The following PCDH9 variants were observed in gnomAD, a reference collection of about 807,000 sequenced individuals.
PCDH9 encodes protocadherin-9.
A neutral mutation model predicts 70.6 loss-of-function variants in PCDH9; 24 were observed. That is an observed-to-expected ratio of 0.34 (90% CI 0.25 to 0.48). The LOEUF (loss-of-function observed/expected upper bound fraction) is 0.48. Among genes scored for constraint, PCDH9 ranks in the 20% least tolerant of loss-of-function variants. The pLI is 0.99. For synonymous variants in PCDH9, 562 were observed against 558.5 expected, an observed-to-expected ratio of 1.01 and a Z score of -0.09; for missense variants, 1,281 against 1,503.6, an observed-to-expected ratio of 0.85 and a Z score of 2.45.
At position 66,303,988 on chromosome 13, in the gene PCDH9, A is replaced by G. The variant is rs567271158; in HGVS notation, c.*667T>C. The stretch of plus-strand genomic sequence containing the variant: ...ACTAACACAGAAACACCTCACTGAA[A>G]GAAACAACAAAAATAACAACAAAGA... On this transcript the variant is annotated 3_prime_UTR_variant, in exon 5 of 5. Coordinates refer to ENST00000377865, the MANE Select transcript of PCDH9 (RefSeq NM_203487.3). 4 of 152,368 alleles carry G rather than the reference A, an allele frequency of 2.6e-5. No individual in the cohort carries two copies. Among genetic ancestry groups the G allele is most frequent in the Non-Finnish European group, 4.4e-5 (3 of 67,990 alleles). The allele number at this position is 152,368 out of a possible 1,614,324, so 9.4% of individuals were successfully genotyped here. A position where few individuals can be genotyped will look rare whatever the true frequency, so the allele number is the denominator to read the frequency against.
At chr13:66,486,471 AT>A (rs1958945148) in intron 4 of PCDH9, among the ~76,000 whole-genome samples, 1 of 150,700 alleles carries the variant, frequency 6.6e-6, no homozygotes, top group African/African-American at 2.5e-5. Context: ...CCACAAAAAA[AT>A]AAAAATAAAA....
chr13:67,089,419 G>A (rs970193520), intron 2 of PCDH9, among the ~76,000 whole-genome samples: 6 of 151,910 alleles, frequency 3.9e-5, no homozygotes, highest in African/African-American at 1.4e-4. Flanking sequence ...TCCAGCGAAT[G>A]GATCCAAAGG....
intron 3 of PCDH9, among the ~76,000 whole-genome samples, chr13:66,778,613 G>T (rs1446882254): frequency 1.3e-5 from 2 of 152,168 alleles, no homozygotes; most frequent in African/African-American, 4.8e-5. Context: ...TTACACTGAG[G>T]TTATATAACT....
At chr13:66,731,858 T>G (rs1247593088) in intron 3 of PCDH9, among the ~76,000 whole-genome samples, 1 of 152,072 alleles carries the variant, frequency 6.6e-6, no homozygotes, top group Non-Finnish European at 1.5e-5. Flanking sequence ...CACTATTAAA[T>G]AAAATTGATA....
At chr13:66,382,398 C>G (rs1165195431) in intron 4 of PCDH9, among the ~76,000 whole-genome samples, 1 of 150,932 alleles carries the variant, frequency 6.6e-6, no homozygotes, top group Non-Finnish European at 1.5e-5. Flanking sequence ...GGTGGTTACT[C>G]AGAAAATATA....
chr13:66,486,608 C>T (rs1958947438), intron 4 of PCDH9, among the ~76,000 whole-genome samples: 1 of 147,372 alleles, frequency 6.8e-6, no homozygotes. Flanking sequence ...TGCTCTCCAG[C>T]CTGGAGGACA....
At position 66,719,124 on chromosome 13, in the gene PCDH9, A is replaced by T. The variant is rs117714002; in HGVS notation, c.3139-87713T>A. Among the ~76,000 whole-genome samples, 797 of 152,314 alleles carry T rather than the reference A, an allele frequency of 5.2e-3. 4 individuals are homozygous for T. Among genetic ancestry groups the T allele is most frequent in the Non-Finnish European group, 7.9e-3 (540 of 68,024 alleles). ...ATCAATCCCGAAGATGTAGTCGAAG[A>T]TGTGGTTTAATAGATTGCAATTTGG... On this transcript the variant is annotated intron_variant, in intron 3 of 4. Transcript: ENST00000377865.
At chr13:66,409,556 A>C (rs529958609) in intron 4 of PCDH9, among the ~76,000 whole-genome samples, 2 of 125,262 alleles carry the variant, frequency 1.6e-5, no homozygotes, top group Non-Finnish European at 3.7e-5. Context: ...ACTTAATAAC[A>C]TCTCTTTATC....
intron 4 of PCDH9, among the ~76,000 whole-genome samples, chr13:66,597,796 C>A (rs1416740120): frequency 6.6e-6 from 1 of 151,746 alleles, no homozygotes; most frequent in Non-Finnish European, 1.5e-5. Context: ...AGAAGCCAAC[C>A]TATGGAATGG....
At chr13:67,074,079 TTA>T (rs1408029501) in intron 2 of PCDH9, among the ~76,000 whole-genome samples, 1 of 151,394 alleles carries the variant, frequency 6.6e-6, no homozygotes, top group African/African-American at 2.4e-5. Context: ...TATCTGTTTA[TTA>T]TCTATCTGTC....
intron 3 of PCDH9, among the ~76,000 whole-genome samples, chr13:66,773,779 T>A (rs1315737503): frequency 6.6e-6 from 1 of 151,656 alleles, no homozygotes; most frequent in Non-Finnish European, 1.5e-5. Context: ...TTTTGTAATT[T>A]TTTTTCTTTT....
At chr13:66,488,387 T>A (rs1250401976) in intron 4 of PCDH9, among the ~76,000 whole-genome samples, 1 of 152,200 alleles carries the variant, frequency 6.6e-6, no homozygotes, top group Non-Finnish European at 1.5e-5. Context: ...TGGTTCCAGT[T>A]GAGGGCCAAA....
chr13:67,190,897 C>A (rs1228076188), intron 2 of PCDH9, among the ~76,000 whole-genome samples: 1 of 152,000 alleles, frequency 6.6e-6, no homozygotes, highest in African/African-American at 2.4e-5. Context: ...TTTCATTTGA[C>A]CTTCTTATTG....
chr13:66,744,478 G>C (rs775139205), intron 3 of PCDH9, among the ~76,000 whole-genome samples: 4 of 152,062 alleles, frequency 2.6e-5, no homozygotes, highest in Non-Finnish European at 4.4e-5. Context: ...CCAATCTCTT[G>C]TCCTAAATAT....
intron 2 of PCDH9, among the ~76,000 whole-genome samples, chr13:67,036,273 CT>C (rs2085007626): frequency 6.6e-6 from 1 of 152,166 alleles, no homozygotes; most frequent in Non-Finnish European, 1.5e-5. Context: ...TTTGTCCCCA[CT>C]GTTTCATATT....
intron 4 of PCDH9, among the ~76,000 whole-genome samples, chr13:66,427,061 C>T (rs1957683629): frequency 6.6e-6 from 1 of 151,436 alleles, no homozygotes; most frequent in Non-Finnish European, 1.5e-5. Context: ...CAACCTCAGA[C>T]AATTTTATAG....
chr13:66,647,649 A>T (rs2138981425), intron 3 of PCDH9, among the ~76,000 whole-genome samples: 1 of 151,986 alleles, frequency 6.6e-6, no homozygotes, highest in Admixed American at 6.6e-5. Flanking sequence ...GGGAGAGAAA[A>T]ATCTTTCTGC....
At chr13:67,128,098 C>G (rs575565007) in intron 2 of PCDH9, among the ~76,000 whole-genome samples, 3 of 152,040 alleles carry the variant, frequency 2.0e-5, no homozygotes, top group Non-Finnish European at 4.4e-5. Context: ...TTGTGGGAAT[C>G]AGAATTGCAA....
At chr13:66,426,061 T>C (rs1957663463) in intron 4 of PCDH9, among the ~76,000 whole-genome samples, 1 of 151,616 alleles carries the variant, frequency 6.6e-6, no homozygotes, top group African/African-American at 2.4e-5. Context: ...TAGGTACTGA[T>C]AAGACAGAAA....
Sources: allele counts gnomAD v4.1 joint callset (sites outside exome capture counted in the v4.1 genomes callset), GRCh38; gene constraint gnomAD v4.1.1; transcripts MANE v1.5; gene names NCBI Gene and HGNC (gene_info 2026-07-23, HGNC 2026-07-21).